The following NXPE3 variants were observed in gnomAD, a reference collection of about 807,000 sequenced individuals.
NXPE3 encodes the protein NXPE family member 3.
A neutral mutation model predicts 46.1 loss-of-function variants in NXPE3; 26 were observed. The ratio of observed to expected loss-of-function variants is 0.56; its 90% confidence interval spans 0.41 to 0.78. The LOEUF (loss-of-function observed/expected upper bound fraction) is 0.78. Ranked by LOEUF, NXPE3 falls within the 30% of genes least tolerant of loss-of-function variation. NXPE3 has a pLI of 0.00. For missense variants in NXPE3, 620 were observed against 686.0 expected (o/e 0.90, Z 1.07); for synonymous variants, 272 against 257.9 (o/e 1.05, Z -0.52).
chr3:101,796,247 G>T (rs1940823491), intron 4 of NXPE3, among the ~76,000 whole-genome samples: 1 of 152,210 alleles, frequency 6.6e-6, no homozygotes, highest in Non-Finnish European at 1.5e-5. Flanking sequence ...ATGTGGGACA[G>T]GCAATCACCA....
At chr3:101,812,465 G>T (rs1366808263) in intron 6 of NXPE3, among the ~76,000 whole-genome samples, 1 of 151,924 alleles carries the variant, frequency 6.6e-6, no homozygotes, top group Non-Finnish European at 1.5e-5. Context: ...CTGCCTCTAC[G>T]CTTATTGAGA....
Position 101,785,523 on chromosome 3 carries a change from A to G in NXPE3, c.-74A>G, listed in dbSNP as rs769679949. 3 of 1,347,964 alleles carry G rather than the reference A, an allele frequency of 2.2e-6. No individual in the cohort carries two copies. Among genetic ancestry groups the G allele is most frequent in the Non-Finnish European group, 2.1e-6 (2 of 938,328 alleles). 83.5% of individuals were successfully genotyped at this position (1,347,964 alleles called of 1,614,324 possible). On this transcript the variant is annotated 5_prime_UTR_variant, in exon 4 of 8. Coordinates refer to ENST00000273347, the MANE Select transcript of NXPE3 (RefSeq NM_145037.4). ...CTGAAAGCTCATCTGCAGCTCAGAA[A>G]AGCAAAGACATGGAATTTTAAAGAG...
intron 6 of NXPE3, among the ~76,000 whole-genome samples, chr3:101,812,785 C>T (rs1206904865): frequency 4.3e-5 from 5 of 115,756 alleles, no homozygotes; most frequent in Admixed American, 1.3e-4. Flanking sequence ...GCACTCCAGT[C>T]TGGGTGACAG....
At chr3:101,803,076 G>A (rs1346938470) in intron 5 of NXPE3, among the ~76,000 whole-genome samples, 1 of 152,116 alleles carries the variant, frequency 6.6e-6, no homozygotes, top group Non-Finnish European at 1.5e-5. Flanking sequence ...ATGTATACAT[G>A]TTTTTTACTT....
At position 101,824,765 on chromosome 3, in the gene NXPE3, G is replaced by T. The variant is rs1942416181; in HGVS notation, c.*2811G>T. 6.6e-6 allele frequency: 1 copy of T among 152,124 alleles called. No individual in the cohort carries two copies. Among genetic ancestry groups the T allele is most frequent in the South Asian group, 2.1e-4 (1 of 4,834 alleles). 9.4% of individuals were successfully genotyped at this position (152,124 alleles called of 1,614,324 possible). A position where few individuals can be genotyped will look rare whatever the true frequency, so the allele number is the denominator to read the frequency against. On this transcript the variant is annotated 3_prime_UTR_variant, in exon 8 of 8. Transcript: ENST00000273347. ...GCTGAGAGTTTTTCTTGTCGTGAAA[G>T]AACTTGACATTTCCTCAAGGATTTA... is the stretch of plus-strand genomic sequence containing the variant.
Position 101,785,513 on chromosome 3 carries a change from C to T in NXPE3, c.-84C>T. 3 of 1,190,232 alleles carry T rather than the reference C, an allele frequency of 2.5e-6. No individual in the cohort carries two copies. Among genetic ancestry groups the T allele is most frequent in the Non-Finnish European group, 1.3e-6 (1 of 795,498 alleles). The allele number at this position is 1,190,232 out of a possible 1,614,324, so 73.7% of individuals were successfully genotyped here. ...GCAAATGAAACTGAAAGCTCATCTG[C>T]AGCTCAGAAAAGCAAAGACATGGAA... On this transcript the variant is annotated 5_prime_UTR_variant, in exon 4 of 8. It introduces an in-frame stop codon into an upstream open reading frame of the 5' UTR. Transcript: ENST00000273347.
Position 101,816,792 on chromosome 3 carries a change from C to T in NXPE3, c.923-3C>T, listed in dbSNP as rs748114769. On this transcript the variant is annotated splice_region_variant and splice_polypyrimidine_tract_variant and intron_variant, in intron 6 of 7. Transcript: ENST00000273347. ...AATATTTGTTTTTCTTTTTTCTTTG[C>T]AGAAACTAACAGTCTAGAACTATCT... 6 of 1,594,730 alleles carry T rather than the reference C, an allele frequency of 3.8e-6. No homozygotes were observed. Among genetic ancestry groups the T allele is most frequent in the Admixed American group, 1.8e-5 (1 of 56,578 alleles).
chr3:101,795,363 T>C (rs1236379838), intron 4 of NXPE3, among the ~76,000 whole-genome samples: 1 of 151,996 alleles, frequency 6.6e-6, no homozygotes, highest in Non-Finnish European at 1.5e-5. Context: ...CTACTAAAAA[T>C]ACAAAAAAGC....
chr3:101,789,711 C>T (rs1045939424), intron 4 of NXPE3, among the ~76,000 whole-genome samples: 16 of 151,124 alleles, frequency 1.1e-4, no homozygotes, highest in African/African-American at 2.7e-4. Flanking sequence ...TTTTTTTTGG[C>T]GACAAATTTT....
chr3:101,812,800 A>G (rs1204810293), intron 6 of NXPE3, among the ~76,000 whole-genome samples: 1 of 120,918 alleles, frequency 8.3e-6, no homozygotes, highest in Non-Finnish European at 1.7e-5. Context: ...TGACAGAGTG[A>G]GACTCCGTCT....
At chr3:101,792,253 G>A (rs182098366) in intron 4 of NXPE3, among the ~76,000 whole-genome samples, 2 of 152,282 alleles carry the variant, frequency 1.3e-5, no homozygotes, top group Non-Finnish European at 2.9e-5. Flanking sequence ...CTGTGCCAGA[G>A]CTCTTAAGTT....
chr3:101,787,130 G>C (rs951568908), intron 4 of NXPE3, among the ~76,000 whole-genome samples: 1 of 150,268 alleles, frequency 6.7e-6, no homozygotes, highest in Non-Finnish European at 1.5e-5. Context: ...TCCAGCTTGG[G>C]CTACAGAGGG....
chr3:101,802,047 C>A, intron 5 of NXPE3, 58 bp downstream of exon 5: 1 of 1,491,656 alleles, frequency 6.7e-7, no homozygotes, highest in Non-Finnish European at 8.9e-7. Flanking sequence ...TGTCCTTGTC[C>A]CATTTAGGAG....
At chr3:101,799,114 A>C (rs899288898) in intron 4 of NXPE3, among the ~76,000 whole-genome samples, 1 of 151,778 alleles carries the variant, frequency 6.6e-6, no homozygotes, top group Non-Finnish European at 1.5e-5. Flanking sequence ...TTAAAAAAAA[A>C]TTCTTGTAGA....
intron 5 of NXPE3, among the ~76,000 whole-genome samples, chr3:101,804,722 T>G (rs1229560094): frequency 1.3e-5 from 2 of 152,200 alleles, no homozygotes. Context: ...ATTAAGAAGC[T>G]TAGCCTTGGT....
At chr3:101,791,672 G>A (rs1260148616) in intron 4 of NXPE3, among the ~76,000 whole-genome samples, 2 of 152,032 alleles carry the variant, frequency 1.3e-5, no homozygotes, top group East Asian at 1.9e-4. Context: ...CACCACGCCC[G>A]GCCTTATCCA....
chr3:101,795,346 C>A (rs1200477936), intron 4 of NXPE3, among the ~76,000 whole-genome samples: 1 of 152,060 alleles, frequency 6.6e-6, no homozygotes, highest in East Asian at 1.9e-4. Context: ...TGGCGAAACC[C>A]CCGTCTCTAC....
intron 7 of NXPE3, among the ~76,000 whole-genome samples, chr3:101,817,382 C>T (rs1942019218): frequency 6.6e-6 from 1 of 152,176 alleles, no homozygotes; most frequent in Non-Finnish European, 1.5e-5. Flanking sequence ...GTTGTTTCTC[C>T]CCTAGTTCTG....
Position 101,821,597 on chromosome 3 carries a change from C to T in NXPE3, c.1323C>T (p.Ala441=), listed in dbSNP as rs1560070296. 1.2e-6 allele frequency: 2 copies of T among 1,614,166 alleles called. No individual in the cohort carries two copies. Among genetic ancestry groups the T allele is most frequent in the Non-Finnish European group, 1.7e-6 (2 of 1,180,020 alleles). The change falls in exon 8 of 8, where the codon GCC becomes GCT. Residue 441 remains alanine, a synonymous_variant. Transcript: ENST00000273347. The stretch of plus-strand genomic sequence containing the variant: ...TGGGAGGGAAGAACACAGTGGTTGC[C>T]ATAGCTGTATGGTCTCACTTCAGCA... ...GIVGGKNTVV[A]IAVWSHFSTF... is the part of the protein sequence containing the mutation.
Sources: allele counts gnomAD v4.1 joint callset (sites outside exome capture counted in the v4.1 genomes callset), GRCh38; gene constraint gnomAD v4.1.1; transcripts MANE v1.5; gene names NCBI Gene and HGNC (gene_info 2026-07-23, HGNC 2026-07-21).